SSU72: variants seen among roughly 807,000 people sequenced by gnomAD.
The protein encoded by SSU72 is SSU72 homolog, RNA polymerase II CTD phosphatase.
Under a neutral mutation model 22.7 loss-of-function variants are expected in SSU72, and 12 were observed. That is an observed-to-expected ratio of 0.53 (90% CI 0.34 to 0.86). The LOEUF (loss-of-function observed/expected upper bound fraction) is 0.86. Among genes scored for constraint, SSU72 ranks in the 40% least tolerant of loss-of-function variants. The probability of loss-of-function intolerance (pLI) is 0.02; values close to 1 mark genes in which losing one functional copy is unlikely to be tolerated. For synonymous variants in SSU72, 116 were observed against 98.3 expected (o/e 1.18, Z -1.06); for missense variants, 151 against 249.8 (o/e 0.60, Z 2.67).
intron 2 of SSU72, among the ~76,000 whole-genome samples, chr1:1,553,171 T>G (rs2100710426): frequency 6.6e-6 from 1 of 152,220 alleles, no homozygotes; most frequent in South Asian, 2.1e-4. Flanking sequence ...GTGTCCGGCT[T>G]CACTTGGACA....
At chr1:1,544,735 C>G in intron 3 of SSU72, 128 bp downstream of exon 3, 1 of 1,376,080 alleles carries the variant, frequency 7.3e-7, no homozygotes. Context: ...GGGTGCTTCA[C>G]ACTCAGGTCT....
chr1:1,553,995 C>T (rs796340072), intron 2 of SSU72, among the ~76,000 whole-genome samples: 18 of 152,290 alleles, frequency 1.2e-4, no homozygotes, highest in African/African-American at 3.6e-4. Flanking sequence ...CACCAGACTA[C>T]GTCAGTGGTG....
chr1:1,548,306 C>A (rs1384468936), intron 2 of SSU72, among the ~76,000 whole-genome samples: 1 of 152,178 alleles, frequency 6.6e-6, no homozygotes, highest in Admixed American at 6.5e-5. Flanking sequence ...CACCTGTAAT[C>A]CCAGCACTTT....
chr1:1,550,910 C>A (rs1026208601), intron 2 of SSU72, among the ~76,000 whole-genome samples: 1 of 152,142 alleles, frequency 6.6e-6, no homozygotes, highest in African/African-American at 2.4e-5. Context: ...TGGGGCATCT[C>A]GTGGTCTAGG....
At chr1:1,567,646 C>A (rs1642677701) in intron 1 of SSU72, among the ~76,000 whole-genome samples, 1 of 152,086 alleles carries the variant, frequency 6.6e-6, no homozygotes, top group Non-Finnish European at 1.5e-5. Context: ...AGACAACATA[C>A]AATAAAATAT....
intron 1 of SSU72, among the ~76,000 whole-genome samples, chr1:1,570,658 A>G (rs1481947616): frequency 6.6e-6 from 1 of 152,210 alleles, no homozygotes; most frequent in Non-Finnish European, 1.5e-5. Context: ...AAAATAAGCC[A>G]TCTCGTGGCA....
chr1:1,569,311 G>C (rs544695946), intron 1 of SSU72, among the ~76,000 whole-genome samples: 1 of 152,156 alleles, frequency 6.6e-6, no homozygotes, highest in African/African-American at 2.4e-5. Context: ...GGAAACGTAC[G>C]GCGGAGTCTT....
chr1:1,544,634 A>C, intron 3 of SSU72: 2 of 593,806 alleles, frequency 3.4e-6, no homozygotes. Flanking sequence ...AAAACAAAAA[A>C]ACACCAAGGA....
intron 1 of SSU72, among the ~76,000 whole-genome samples, chr1:1,571,423 T>G (rs1642730119): frequency 7.5e-6 from 1 of 132,506 alleles, no homozygotes; most frequent in Non-Finnish European, 1.5e-5. Flanking sequence ...AGAGGGAGAC[T>G]CCGACTTCAA....
rs1295553087 is a variant in SSU72 at position 1,546,899 on chromosome 1, GCTCA to G, written c.225-1901_225-1898del. On this transcript the variant is annotated intron_variant, in intron 2 of 4. Coordinates refer to ENST00000291386, the MANE Select transcript of SSU72 (RefSeq NM_014188.3). ...AAAAAAAAAAAGGCCGGGCGCGGTG[GCTCA>G]CACCTGTAATCCCAGCTACTCGGGA... Among the ~76,000 whole-genome samples, 54 of 148,882 alleles carry G rather than the reference GCTCA, an allele frequency of 3.6e-4. 1 individual carries two copies. The highest frequency in any genetic ancestry group is 8.9e-4 in the South Asian group (4 of 4,492).
chr1:1,558,725 G>A (rs563377935), intron 2 of SSU72, among the ~76,000 whole-genome samples: 2 of 104,764 alleles, frequency 1.9e-5, no homozygotes, highest in African/African-American at 7.6e-5. Context: ...CTTCCCTGGA[G>A]CGGGGGAACT....
chr1:1,552,212 C>T (rs572460896), intron 2 of SSU72, among the ~76,000 whole-genome samples: 1 of 152,168 alleles, frequency 6.6e-6, no homozygotes, highest in Non-Finnish European at 1.5e-5. Flanking sequence ...GGCACCTGCA[C>T]AGGGAGGTGA....
At position 1,541,685 on chromosome 1, in the gene SSU72, C is replaced by G. The variant is rs1193040630; in HGVS notation, c.*381G>C. On this transcript the variant is annotated 3_prime_UTR_variant, in exon 5 of 5. Transcript: ENST00000291386. ...GGACCAGGCACAATGACAGCAGCAT[C>G]TGTTTATTGACAATTCCAGGTCATT... 1 of 225,114 alleles carries G rather than the reference C, an allele frequency of 4.4e-6. No individual in the cohort carries two copies. The highest frequency in any genetic ancestry group is 1.4e-4 in the East Asian group (1 of 7,134). 13.9% of individuals were successfully genotyped at this position (225,114 alleles called of 1,614,324 possible).
At chr1:1,547,607 C>T (rs557678204) in intron 2 of SSU72, among the ~76,000 whole-genome samples, 285 of 152,324 alleles carry the variant, frequency 1.9e-3, no homozygotes, top group African/African-American at 6.4e-3. Context: ...AAGATCCCAC[C>T]TGAATTCCGG....
At chr1:1,573,592 C>G (rs984297339) in intron 1 of SSU72, among the ~76,000 whole-genome samples, 13 of 151,990 alleles carry the variant, frequency 8.6e-5, no homozygotes, top group Middle Eastern at 6.8e-3. Context: ...GGGGACTACA[C>G]GCGTGAGCCA....
chr1:1,568,498 G>A (rs908093022), intron 1 of SSU72, among the ~76,000 whole-genome samples: 14 of 152,056 alleles, frequency 9.2e-5, no homozygotes, highest in South Asian at 2.1e-4. Flanking sequence ...CAGTTACTCC[G>A]GAGGCTGAGG....
intron 2 of SSU72, among the ~76,000 whole-genome samples, chr1:1,556,510 C>T (rs542355334): frequency 2.0e-5 from 3 of 152,108 alleles, no homozygotes; most frequent in South Asian, 2.1e-4. Context: ...CATTGCACTC[C>T]AGCCTGGGCA....
rs1327218619 is a variant in SSU72 at position 1,554,798 on chromosome 1, C to T, written c.225-9796G>A. Among the ~76,000 whole-genome samples, 98 of 152,192 alleles carry T rather than the reference C, an allele frequency of 6.4e-4. 1 individual carries two copies. Among genetic ancestry groups the T allele is most frequent in the Non-Finnish European group, 7.3e-5 (5 of 68,032 alleles). ...GGCACTGGAGCCACGAAAGCAACAGCCCTGGGCAGCCCAGCACCATCCTGG... is the reference window on the plus strand; with the variant it reads ...GGCACTGGAGCCACGAAAGCAACAGTCCTGGGCAGCCCAGCACCATCCTGG... On this transcript the variant is annotated intron_variant, in intron 2 of 4. Transcript: ENST00000291386. This position sits in a 1 kb window ranked among gnomAD's most constrained non-coding sequence, Gnocchi z 4.1.
chr1:1,568,168 C>T (rs1642684774), intron 1 of SSU72, among the ~76,000 whole-genome samples: 1 of 152,258 alleles, frequency 6.6e-6, no homozygotes, highest in Admixed American at 6.5e-5. Flanking sequence ...GCTTGCGACT[C>T]AACAGCGTTT....
Sources: allele counts gnomAD v4.1 joint callset (sites outside exome capture counted in the v4.1 genomes callset), GRCh38; gene constraint gnomAD v4.1.1; non-coding constraint Gnocchi (gnomAD v3.1); transcripts MANE v1.5; gene names NCBI Gene and HGNC (gene_info 2026-07-23, HGNC 2026-07-21).